Variants in PSMA6 observed in about 807,000 individuals in gnomAD.
The protein encoded by PSMA6 is proteasome subunit alpha type-6.
For synonymous variants in PSMA6, 88 were observed against 97.7 expected (o/e 0.90, Z 0.59); for missense variants, 170 against 294.8 (o/e 0.58, Z 3.10).
intron 1 of PSMA6, among the ~76,000 whole-genome samples, chr14:35,284,332 C>T (rs974776253): frequency 5.3e-5 from 8 of 152,106 alleles, no homozygotes; most frequent in Non-Finnish European, 7.4e-5. Flanking sequence ...TAAGAGTTCT[C>T]CCTGTTCTAA....
chr14:35,293,224 A>C (rs1241700521), intron 1 of PSMA6: 4 of 328,710 alleles, frequency 1.2e-5, no homozygotes, highest in Non-Finnish European at 2.4e-5. Flanking sequence ...CTTTTTACCC[A>C]CATCTGTTTG....
intron 1 of PSMA6, among the ~76,000 whole-genome samples, chr14:35,294,705 CCTT>C (rs1248122439): frequency 6.6e-6 from 1 of 151,984 alleles, no homozygotes; most frequent in Non-Finnish European, 1.5e-5. Context: ...TTTGGCCCCC[CCTT>C]TTTTTTTTGG....
intron 1 of PSMA6, among the ~76,000 whole-genome samples, chr14:35,302,000 G>A (rs2051722893): frequency 6.6e-6 from 1 of 151,728 alleles, no homozygotes; most frequent in Admixed American, 6.6e-5. Context: ...TTTTCTTTGT[G>A]GCCAGTTGCT....
chr14:35,279,116 C>T (rs1347591740), intron 1 of PSMA6, among the ~76,000 whole-genome samples: 2 of 152,202 alleles, frequency 1.3e-5, no homozygotes, highest in Middle Eastern at 3.4e-3. Context: ...GGCGCGATCT[C>T]GGCTCACTGC....
intron 1 of PSMA6, among the ~76,000 whole-genome samples, chr14:35,295,414 G>T (rs2051564943): frequency 1.3e-5 from 2 of 149,798 alleles, no homozygotes; most frequent in South Asian, 4.2e-4. Flanking sequence ...TATTGGCAGT[G>T]TTTGCTCCCA....
At position 35,314,430 on chromosome 14, in the gene PSMA6, G is replaced by T; in HGVS notation, c.658G>T (p.Val220Leu). Residue 220 changes from valine (V) to leucine (L), a missense_variant, in exon 6 of 7, where the codon GTG becomes TTG. Physicochemically the swap from Val to Leu is conservative, Grantham distance 32. Transcript: ENST00000261479. ...FKPSEIEVGV[V>L]TVENPKFRIL... ...ACCTTCAGAAATAGAAGTTGGAGTA[G>T]TGACAGTTGAAAATCCTAAATTCAG... 1 of 1,611,562 alleles carries T rather than the reference G, an allele frequency of 6.2e-7. No homozygotes were observed. The highest frequency in any genetic ancestry group is 8.5e-7 in the Non-Finnish European group (1 of 1,178,380).
intron 6 of PSMA6, chr14:35,316,576 G>A (rs2052049774): frequency 6.6e-6 from 1 of 151,292 alleles, no homozygotes; most frequent in Non-Finnish European, 1.5e-5. Context: ...ACATATAAAT[G>A]TATTTTGACG....
At chr14:35,289,631 C>T (rs117951339), upstream of PSMA6, among the ~76,000 whole-genome samples, 56 of 152,044 alleles carry the variant, frequency 3.7e-4, no homozygotes, top group East Asian at 8.1e-3. Flanking sequence ...TTGCACCACG[C>T]CCAGCCTAAA....
chr14:35,296,725 C>A (rs2051596715), intron 1 of PSMA6, among the ~76,000 whole-genome samples: 1 of 152,150 alleles, frequency 6.6e-6, no homozygotes, highest in Admixed American at 6.6e-5. Context: ...GAAGTACTTA[C>A]CATTTGCCTC....
chr14:35,292,654 GGGCTGGAGCTGGGAAGGGAGAAC>G, intron 1 of PSMA6, 102 bp downstream of exon 1: 1 of 1,537,986 alleles, frequency 6.5e-7, no homozygotes. Flanking sequence ...GGCCGAAGCT[GGGCTGGAGCTGGGAAGGGAGAAC>G]GGCTGAAGCT....
At chr14:35,302,849 T>C (rs1460258222) in intron 1 of PSMA6, among the ~76,000 whole-genome samples, 1 of 152,208 alleles carries the variant, frequency 6.6e-6, no homozygotes, top group Non-Finnish European at 1.5e-5. Context: ...TTCTACAATT[T>C]CCTTTTGCTT....
intron 1 of PSMA6, among the ~76,000 whole-genome samples, chr14:35,296,391 C>T (rs1291516005): frequency 3.9e-5 from 6 of 152,112 alleles, no homozygotes; most frequent in Admixed American, 1.3e-4. Context: ...AGTGCAATGG[C>T]GTGATCTCAG....
chr14:35,295,336 TAAA>T (rs57795237), intron 1 of PSMA6, among the ~76,000 whole-genome samples: 1 of 137,512 alleles, frequency 7.3e-6, no homozygotes, highest in African/African-American at 2.7e-5. Context: ...AGACTCCATC[TAAA>T]AAAAAAAAAA....
At position 35,310,725 on chromosome 14, in the gene PSMA6, T is replaced by A; in HGVS notation, c.254-15T>A. The A allele has an allele frequency of 6.2e-7, 1 of 1,611,018 alleles. No homozygotes were observed. The highest frequency in any genetic ancestry group is 1.1e-5 in the South Asian group (1 of 90,754). On this transcript the variant is annotated splice_polypyrimidine_tract_variant and intron_variant, in intron 3 of 6. Coordinates refer to ENST00000261479, the MANE Select transcript of PSMA6 (RefSeq NM_002791.3). ...TCCTTCTAACCAGGTAAATCTTTGT[T>A]TTTTATGCTATAAGCTGACAGCAGA... is the stretch of plus-strand genomic sequence containing the variant.
intron 1 of PSMA6, among the ~76,000 whole-genome samples, chr14:35,280,224 G>A (rs2051352059): frequency 6.6e-6 from 1 of 152,086 alleles, no homozygotes; most frequent in Non-Finnish European, 1.5e-5. Context: ...TGGATCACCT[G>A]AGGTCAGGAG....
At chr14:35,290,965 C>T (rs2051471279), upstream of PSMA6, among the ~76,000 whole-genome samples, 1 of 151,644 alleles carries the variant, frequency 6.6e-6, no homozygotes, top group African/African-American at 2.4e-5. Flanking sequence ...CCTCATTCCC[C>T]ATTACTCGTA....
intron 1 of PSMA6, among the ~76,000 whole-genome samples, chr14:35,306,922 G>A (rs2051838273): frequency 6.6e-6 from 1 of 151,700 alleles, no homozygotes; most frequent in African/African-American, 2.4e-5. Flanking sequence ...CGAGGTGGGT[G>A]GATCACCTGA....
rs532133096 is a variant in PSMA6 at position 35,308,908 on chromosome 14, T to C, written c.172-6T>C. 3 of 1,584,736 alleles carry C rather than the reference T, an allele frequency of 1.9e-6. No homozygotes were observed. The East Asian group carries it at 6.7e-5, about 35-fold the overall frequency. ...AAAAATTATCTTTGTTTATTTTGTT[T>C]ATTAGGACAAATTATTGGATTCCAG... On this transcript the variant is annotated splice_polypyrimidine_tract_variant and splice_region_variant and intron_variant, in intron 2 of 6. Coordinates refer to ENST00000261479, the MANE Select transcript of PSMA6 (RefSeq NM_002791.3).
At chr14:35,290,310 C>T (rs1372241539), upstream of PSMA6, among the ~76,000 whole-genome samples, 2 of 152,036 alleles carry the variant, frequency 1.3e-5, no homozygotes, top group Non-Finnish European at 2.9e-5. Context: ...TTACAGTATA[C>T]CAGGCTCTTT....
Sources: allele counts gnomAD v4.1 joint callset (sites outside exome capture counted in the v4.1 genomes callset), GRCh38; gene constraint gnomAD v4.1.1; transcripts MANE v1.5; gene names NCBI Gene and HGNC (gene_info 2026-07-23, HGNC 2026-07-21).